Variants in FHOD1 observed in about 807,000 individuals in gnomAD.
FHOD1 encodes the protein formin homology 2 domain containing 1.
In FHOD1, 89 loss-of-function variants were observed where a neutral mutation model predicts 111.6. The observed-to-expected ratio is 0.80, with a 90% CI of 0.67 to 0.95. The LOEUF is 0.95. FHOD1 is among the 40% of genes least tolerant of loss of function. The pLI is 0.00. For synonymous variants in FHOD1, 618 were observed against 639.0 expected, an observed-to-expected ratio of 0.97 and a Z score of 0.50; for missense variants, 1,446 against 1,554.2, an observed-to-expected ratio of 0.93 and a Z score of 1.17.
chr16:67,230,548 T>G (rs1223906569), intron 18 of FHOD1, 42 bp from the exon 19 acceptor site: 2 of 1,613,022 alleles, frequency 1.2e-6, no homozygotes, highest in Non-Finnish European at 1.7e-6. Context: ...GTCCTGCTTA[T>G]TGTCTGAGGG....
At chr16:67,236,044 G>A (rs1386208833) in intron 11 of FHOD1, 40 of 984,244 alleles carry the variant, frequency 4.1e-5, no homozygotes, top group Non-Finnish European at 4.7e-5. Context: ...GGAGGGGACT[G>A]GGGGACGGGT....
intron 11 of FHOD1, among the ~76,000 whole-genome samples, chr16:67,234,952 G>T (rs1264961726): frequency 6.6e-6 from 1 of 152,108 alleles, no homozygotes; most frequent in Non-Finnish European, 1.5e-5. Flanking sequence ...AGGAGACAGG[G>T]TCTCACTGTG....
rs953498763 is a variant in FHOD1, at chr16:67,231,027, A to G, written c.2667+161T>C. The G allele has an allele frequency of 1.9e-5, 19 of 1,001,554 alleles. No individual in the cohort carries two copies. Among genetic ancestry groups the G allele is most frequent in the Non-Finnish European group, 2.6e-5 (18 of 691,480 alleles). 62.0% of individuals were successfully genotyped at this position (1,001,554 alleles called of 1,614,324 possible). On this transcript the variant is annotated intron_variant, in intron 17 of 21. Transcript: ENST00000258201. This position sits in a 1 kb window ranked among gnomAD's most constrained non-coding sequence, Gnocchi z 4.3. ...ACTGAGTAGGTGTGGCCAGGCCAAT[A>G]GAGGAAAGAGCATTTCTGGCAGAGG...
chr16:67,229,396 A>G lies in FHOD1; in HGVS notation c.*240T>C. The G allele has an allele frequency of 1.7e-6, 1 of 595,838 alleles. No individual in the cohort carries two copies. Among genetic ancestry groups the G allele is most frequent in the East Asian group, 2.8e-5 (1 of 35,808 alleles). The allele number at this position is 595,838 out of a possible 1,614,324, so 36.9% of individuals were successfully genotyped here. A position where few individuals can be genotyped will look rare whatever the true frequency, so the allele number is the denominator to read the frequency against. ...TGAAAGAAGAGAAACCTGTTGGATT[A>G]GCTAAGAAAATTTTATTTTGCTCCG... is the stretch of plus-strand genomic sequence containing the variant. On this transcript the variant is annotated 3_prime_UTR_variant, in exon 22 of 22. Transcript: ENST00000258201.
chr16:67,236,080 G>A (rs2034464353), intron 11 of FHOD1: 1 of 963,158 alleles, frequency 1.0e-6, no homozygotes, highest in Non-Finnish European at 1.2e-6. Context: ...CTGGGTAGGG[G>A]GGATGAGAGG....
chr16:67,231,378 T>C lies in FHOD1; in HGVS notation c.2506-29A>G. ...AAAGGACCCTTTCTGAGCCTGGGCC[T>C]GGTTGGCTCCAGAACCCTGACTCCC... On this transcript the variant is annotated intron_variant, in intron 16 of 21. Coordinates refer to ENST00000258201, the MANE Select transcript of FHOD1 (RefSeq NM_013241.3). This position sits in a 1 kb window ranked among gnomAD's most constrained non-coding sequence, Gnocchi z 4.3. The C allele has an allele frequency of 6.2e-7, 1 of 1,614,064 alleles. No homozygotes were observed. The highest frequency in any genetic ancestry group is 1.3e-5 in the African/African-American group (1 of 75,020).
chr16:67,241,114 A>ACCGCC (rs1406344498), intron 1 of FHOD1, among the ~76,000 whole-genome samples: 1 of 83,266 alleles, frequency 1.2e-5, no homozygotes, highest in African/African-American at 5.6e-5. Context: ...CCCTTGGATG[A>ACCGCC]CCCCCCCCCC....
intron 18 of FHOD1, 35 bp from the exon 19 acceptor site, chr16:67,230,541 C>A: frequency 6.2e-7 from 1 of 1,613,398 alleles, no homozygotes; most frequent in Non-Finnish European, 8.5e-7. Flanking sequence ...ACAGTAAGTC[C>A]TGCTTATTGT....
intron 1 of FHOD1, among the ~76,000 whole-genome samples, chr16:67,241,114 A>ACCCCCCCCCCCCCCCCC (rs1186229148): frequency 6.0e-5 from 5 of 83,264 alleles, no homozygotes; most frequent in African/African-American, 1.7e-4. Flanking sequence ...CCCTTGGATG[A>ACCCCCCCCCCCCCCCCC]CCCCCCCCCC....
At chr16:67,235,489 C>T (rs370432350) in intron 11 of FHOD1, among the ~76,000 whole-genome samples, 2 of 148,998 alleles carry the variant, frequency 1.3e-5, no homozygotes. Flanking sequence ...GAGATCACAC[C>T]ACTGCACTCC....
chr16:67,237,154 T>TA lies in FHOD1; in HGVS notation c.994-41_994-40insT, dbSNP rs747472129. 3.7e-6 allele frequency: 6 copies of TA among 1,601,348 alleles called. No individual in the cohort carries two copies. The highest frequency in any genetic ancestry group is 3.4e-6 in the Non-Finnish European group (4 of 1,172,200). On this transcript the variant is annotated intron_variant, in intron 9 of 21. Coordinates refer to ENST00000258201, the MANE Select transcript of FHOD1 (RefSeq NM_013241.3). This position sits in a 1 kb window ranked among gnomAD's most constrained non-coding sequence, Gnocchi z 5.6. The stretch of plus-strand genomic sequence containing the variant: ...CCAGGATGTAAGAAAGTGGTTAACG[T>TA]GTATGCAGGTGGGGTGGGGCGCTGG...
chr16:67,233,862 A>C lies in FHOD1; in HGVS notation c.1841T>G (p.Val614Gly). Residue 614 changes from valine (V) to glycine (G), a missense_variant, in exon 13 of 22, where the codon GTG (valine) becomes GGG (glycine). Physicochemically the swap from Val to Gly is moderately radical, Grantham distance 109 (BLOSUM62 -3). This residue lies in a region of FHOD1 where 1,085 missense variants were observed against 1,108.8 expected (regional missense o/e 0.98). Coordinates refer to ENST00000258201, the MANE Select transcript of FHOD1 (RefSeq NM_013241.3). ...AGTGGGGAGGGCTGAGCTGTCAGGC[A>C]CTGAATGGGGAAGAGGGGCAGCCAG... is the stretch of plus-strand genomic sequence containing the variant. ...LPLAAPLPHS[V>G]PDSSALPTKR... The C allele has an allele frequency of 1.3e-6, 2 of 1,554,168 alleles. No individual in the cohort carries two copies. Among genetic ancestry groups the C allele is most frequent in the Non-Finnish European group, 1.7e-6 (2 of 1,143,434 alleles).
At position 67,230,540 on chromosome 16, in the gene FHOD1, C is replaced by T. The variant is rs1375822043; in HGVS notation, c.2859-34G>A. 5.0e-6 allele frequency: 8 copies of T among 1,613,398 alleles called. No individual in the cohort carries two copies. The East Asian group carries it at 8.9e-5, about 18-fold the overall frequency. ...GTCAGAGTAGGGAGGGACAGTAAGT[C>T]CTGCTTATTGTCTGAGGGAGGGTGG... On this transcript the variant is annotated intron_variant, in intron 18 of 21. Transcript: ENST00000258201.
chr16:67,234,386 G>T lies in FHOD1; in HGVS notation c.1406C>A (p.Ala469Asp). ...GTGTCCACCCGCCTCATTGGGCATGGCCCCGGCAAGTGTCTCTGCCCGGCC... is the reference window on the plus strand; with the variant it reads ...GTGTCCACCCGCCTCATTGGGCATGTCCCCGGCAAGTGTCTCTGCCCGGCC... ...AQGRAETLAG[A>D]MPNEAGGHPD... Residue 469 changes from alanine to aspartate, a missense_variant, in exon 12 of 22, where the codon GCC (alanine) becomes GAC (aspartate). Physicochemically the swap from Ala to Asp is moderately radical, Grantham distance 126. Around this residue, in one of 3 missense-constraint regions of FHOD1, gnomAD observed 1,085 missense variants for 1,108.8 expected, o/e 0.98. Coordinates refer to ENST00000258201, the MANE Select transcript of FHOD1 (RefSeq NM_013241.3). 6.2e-7 allele frequency: 1 copy of T among 1,610,470 alleles called. No homozygotes were observed.
chr16:67,236,039 G>C (rs2034462743), intron 11 of FHOD1: 1 of 984,548 alleles, frequency 1.0e-6, no homozygotes, highest in African/African-American at 1.7e-5. Flanking sequence ...GCCCAGGAGG[G>C]GACTGGGGGA....
chr16:67,235,335 G>A (rs2034436865), intron 11 of FHOD1, among the ~76,000 whole-genome samples: 1 of 152,044 alleles, frequency 6.6e-6, no homozygotes, highest in Admixed American at 6.6e-5. Context: ...TTCGAGACCA[G>A]CCTGGCCAAC....
At chr16:67,236,437 GGAAA>G (rs1343028328) in intron 11 of FHOD1, 116 bp downstream of exon 11, 2 of 1,505,666 alleles carry the variant, frequency 1.3e-6, no homozygotes, top group South Asian at 1.3e-5. Flanking sequence ...GGTGAAGTCT[GGAAA>G]GAGAGAGAGA....
chr16:67,236,029 G>T, intron 11 of FHOD1: 2 of 984,734 alleles, frequency 2.0e-6, no homozygotes, highest in Non-Finnish European at 1.2e-6. Flanking sequence ...AGCCTGGCCT[G>T]CCCAGGAGGG....
At chr16:67,233,615 T>C (rs868504437) in intron 13 of FHOD1, 42 bp downstream of exon 13, 1 of 1,541,458 alleles carries the variant, frequency 6.5e-7, no homozygotes. Context: ...TCTGATTCCC[T>C]CCTGCCTCCC....
Sources: allele counts gnomAD v4.1 joint callset (sites outside exome capture counted in the v4.1 genomes callset), GRCh38; gene constraint gnomAD v4.1.1; regional missense constraint gnomAD v4.1.1; non-coding constraint Gnocchi (gnomAD v3.1); transcripts MANE v1.5; gene names NCBI Gene and HGNC (gene_info 2026-07-23, HGNC 2026-07-21).